ZNF536: variants seen among roughly 807,000 people sequenced by gnomAD.
ZNF536 encodes the protein zinc finger protein 536.
A neutral mutation model predicts 84.5 loss-of-function variants in ZNF536; 13 were observed. The observed-to-expected ratio is 0.15, with a 90% CI of 0.10 to 0.24. The LOEUF (loss-of-function observed/expected upper bound fraction) is 0.24. ZNF536 is among the 10% of genes least tolerant of loss of function. ZNF536 has a pLI of 1.00. For synonymous variants in ZNF536, 811 were observed against 742.5 expected (o/e 1.09, Z -1.50); for missense variants, 1,536 against 1,747.5 (o/e 0.88, Z 2.16).
chr19:30,430,504 G>A (rs547807696), intron 1 of ZNF536, among the ~76,000 whole-genome samples: 5 of 152,280 alleles, frequency 3.3e-5, no homozygotes, highest in South Asian at 2.1e-4. Context: ...CCAAGATACC[G>A]TGGAGATAGA....
intron 2 of ZNF536, among the ~76,000 whole-genome samples, chr19:30,338,482 A>G (rs997758101): frequency 4.3e-5 from 5 of 114,962 alleles, no homozygotes; most frequent in African/African-American, 7.7e-5. Flanking sequence ...CAATGATGAT[A>G]GTGATGATGA....
At chr19:30,469,645 A>G (rs1568462636) in intron 2 of ZNF536, among the ~76,000 whole-genome samples, 2 of 152,198 alleles carry the variant, frequency 1.3e-5, no homozygotes, top group Non-Finnish European at 2.9e-5. Flanking sequence ...GAATGAAGCC[A>G]TGCACAGGTG....
At position 30,524,042 on chromosome 19, in the gene ZNF536, G is replaced by A. The variant is rs9973233; in HGVS notation, c.2171-10805G>A. 6.0e-3 allele frequency among the ~76,000 whole-genome samples: 907 copies of A among 152,278 alleles called. 8 individuals carry two copies. The highest frequency in any genetic ancestry group is 0.02 in the African/African-American group (840 of 41,572). On this transcript the variant is annotated intron_variant, in intron 2 of 4. Coordinates refer to ENST00000355537, the MANE Select transcript of ZNF536 (RefSeq NM_014717.3). ...CACGGAGGGGCATTGCCCCCACCCCGTGCCCAGGCCAGCCAATCCGACGGC... is the reference window on the plus strand; with the variant it reads ...CACGGAGGGGCATTGCCCCCACCCCATGCCCAGGCCAGCCAATCCGACGGC...
At chr19:30,563,358 C>T (rs551479666) in intron 1 of ZNF536, among the ~76,000 whole-genome samples, 67 of 152,100 alleles carry the variant, frequency 4.4e-4, no homozygotes, top group Non-Finnish European at 9.1e-4. Flanking sequence ...ACAGACACAC[C>T]CCCATTGGCT....
At chr19:30,525,554 C>T (rs1231988210) in intron 2 of ZNF536, among the ~76,000 whole-genome samples, 3 of 152,168 alleles carry the variant, frequency 2.0e-5, no homozygotes, top group Non-Finnish European at 4.4e-5. Context: ...AGGAAGGGGA[C>T]AGGCAGTGAG....
downstream of ZNF536, among the ~76,000 whole-genome samples, chr19:30,560,081 C>A (rs2146411453): frequency 6.6e-6 from 1 of 152,174 alleles, no homozygotes; most frequent in Admixed American, 6.5e-5. Context: ...TGGTTAACAA[C>A]TTCCTTCTCA....
At chr19:30,623,800 T>C (rs1035453067) in intron 1 of ZNF536, among the ~76,000 whole-genome samples, 4 of 152,174 alleles carry the variant, frequency 2.6e-5, no homozygotes, top group Non-Finnish European at 5.9e-5. Context: ...GCTGCAAATG[T>C]TGGGGTGTTA....
chr19:30,457,448 G>A (rs1333355230), intron 2 of ZNF536, among the ~76,000 whole-genome samples: 1 of 152,198 alleles, frequency 6.6e-6, no homozygotes, highest in African/African-American at 2.4e-5. Context: ...TGCTTCCCAG[G>A]AAGGCATCCC....
chr19:30,246,766 G>A (rs2024302718), intron 1 of ZNF536, among the ~76,000 whole-genome samples: 1 of 152,192 alleles, frequency 6.6e-6, no homozygotes, highest in African/African-American at 2.4e-5. Flanking sequence ...TTGCTGTCTA[G>A]CGGTAGCCAA....
At chr19:30,289,156 T>TG (rs2045746787) in intron 2 of ZNF536, among the ~76,000 whole-genome samples, 1 of 152,162 alleles carries the variant, frequency 6.6e-6, no homozygotes, top group Non-Finnish European at 1.5e-5. Flanking sequence ...TCATGGTGGG[T>TG]GGGTGGGGAC....
At chr19:30,556,211 G>A (rs1022610408) in intron 4 of ZNF536, 1 of 152,246 alleles carries the variant, frequency 6.6e-6, no homozygotes, top group Non-Finnish European at 1.5e-5. Context: ...CCCCAGGAGG[G>A]AGGACCATTT....
chr19:30,712,062 G>GA (rs11375063), exon 2 of ZNF536: 132,780 of 152,154 alleles, frequency 0.87, 58,433 homozygotes, highest in East Asian at 0.99. Context: ...ATTAAAATAT[G>GA]ATCTAAACAT....
intron 1 of ZNF536, among the ~76,000 whole-genome samples, chr19:30,648,941 C>T (rs2049583340): frequency 1.3e-5 from 2 of 152,168 alleles, no homozygotes; most frequent in Admixed American, 1.3e-4. Context: ...TCCCTCTGAA[C>T]TTTAGGGGGT....
chr19:30,229,552 T>C (rs1244734351), intron 1 of ZNF536, among the ~76,000 whole-genome samples: 1 of 151,050 alleles, frequency 6.6e-6, no homozygotes, highest in Non-Finnish European at 1.5e-5. Context: ...CCCACCACCC[T>C]GAAAGCTGCT....
At chr19:30,416,983 T>A (rs2050757820) in intron 1 of ZNF536, among the ~76,000 whole-genome samples, 2 of 151,990 alleles carry the variant, frequency 1.3e-5, no homozygotes, top group East Asian at 3.9e-4. Flanking sequence ...ATTTCTTTCT[T>A]TCTTTCTTGA....
At chr19:30,441,144 C>CGTCA (rs2052027909) in intron 1 of ZNF536, among the ~76,000 whole-genome samples, 1 of 152,144 alleles carries the variant, frequency 6.6e-6, no homozygotes. Flanking sequence ...GCTGAATTGG[C>CGTCA]GTCAGCTCAT....
intron 1 of ZNF536, among the ~76,000 whole-genome samples, chr19:30,688,785 G>T (rs78307236): frequency 0.014 from 2,186 of 152,326 alleles, 18 homozygotes; most frequent in Middle Eastern, 0.024. Flanking sequence ...CGAGTGGGTA[G>T]CTCTGGCTCT....
chr19:30,576,025 G>T (rs371995856), intron 1 of ZNF536, among the ~76,000 whole-genome samples: 19 of 152,312 alleles, frequency 1.2e-4, no homozygotes, highest in African/African-American at 4.3e-4. Flanking sequence ...CTCGGCTCAT[G>T]GTATAAGGGT....
chr19:30,650,693 A>G (rs1032206338), intron 1 of ZNF536, among the ~76,000 whole-genome samples: 7 of 152,228 alleles, frequency 4.6e-5, no homozygotes, highest in African/African-American at 1.7e-4. Flanking sequence ...ATCTTAAAAA[A>G]TACTGAACTG....
Sources: allele counts gnomAD v4.1 joint callset (sites outside exome capture counted in the v4.1 genomes callset), GRCh38; gene constraint gnomAD v4.1.1; transcripts MANE v1.5; gene names NCBI Gene and HGNC (gene_info 2026-07-23, HGNC 2026-07-21).